The following TENT4A variants were observed in gnomAD, a reference collection of about 807,000 sequenced individuals.
The protein encoded by TENT4A is terminal nucleotidyltransferase 4A, also known as DNA polymerase kappa.
TENT4A carries 7 observed loss-of-function variants against 72.8 expected under a neutral mutation model. The observed-to-expected ratio is 0.10, with a 90% CI of 0.05 to 0.18. TENT4A has a LOEUF of 0.18. Among genes scored for constraint, TENT4A ranks in the 10% least tolerant of loss-of-function variants. The probability of loss-of-function intolerance (pLI) is 1.00; values close to 1 mark genes in which losing one functional copy is unlikely to be tolerated. For missense variants in TENT4A, 831 were observed against 1,017.7 expected (o/e 0.82, Z 2.50); for synonymous variants, 456 against 434.3 (o/e 1.05, Z -0.62).
chr5:6,749,620 G>A lies in TENT4A; in HGVS notation c.1650G>A (p.Glu550=). Residue 550 remains glutamate (E), a synonymous_variant, in exon 9 of 13, where the codon GAG becomes GAA. Transcript: ENST00000230859. ...EVIDYRRWIK[E]KWGSKAHPSP... ...TTGACTACCGGAGGTGGATCAAAGA[G>A]AAGTGGGGCAGCAAAGCCCACCCGT... 2 of 1,614,012 alleles carry A rather than the reference G, an allele frequency of 1.2e-6. No individual in the cohort carries two copies. Among genetic ancestry groups the A allele is most frequent in the South Asian group, 2.2e-5 (2 of 91,076 alleles).
At chr5:6,718,131 A>G (rs1243718829) in intron 1 of TENT4A, among the ~76,000 whole-genome samples, 1 of 152,228 alleles carries the variant, frequency 6.6e-6, no homozygotes, top group African/African-American at 2.4e-5. Flanking sequence ...ATCCTTTAAT[A>G]TCTTCTATTA....
At chr5:6,749,950 A>C (rs545372830) in intron 9 of TENT4A, among the ~76,000 whole-genome samples, 1 of 152,250 alleles carries the variant, frequency 6.6e-6, no homozygotes, top group Non-Finnish European at 1.5e-5. Flanking sequence ...ACATTTCAAC[A>C]TGTAATCAAC....
At position 6,738,165 on chromosome 5, in the gene TENT4A, G is replaced by GC. The variant is rs138375124; in HGVS notation, c.841-514dup. ...GCTTGGTGCAGGTGGCGTGAAGCCT[G>GC]CCCCTGGCCGGCTCTATTCAGCAGC... On this transcript the variant is annotated intron_variant, in intron 2 of 12. Transcript: ENST00000230859. Among the ~76,000 whole-genome samples the GC allele has an allele frequency of 6.4e-4, 97 of 152,264 alleles. 1 individual carries two copies. In the East Asian group the frequency reaches 0.019, roughly 29 times the overall value.
intron 6 of TENT4A, 23 bp from the exon 7 acceptor site, chr5:6,746,191 T>C: frequency 6.2e-7 from 1 of 1,614,096 alleles, no homozygotes. Flanking sequence ...TCCATACAAA[T>C]TGTGGGTGCA....
chr5:6,742,628 A>G lies in TENT4A; in HGVS notation c.1116+31A>G. On this transcript the variant is annotated intron_variant, in intron 5 of 12. Coordinates refer to ENST00000230859, the MANE Select transcript of TENT4A (RefSeq NM_006999.6). ...GTGCTTGGTGACCCAGCGCGGCGAG[A>G]GTGCAGGACTGGAGTGCTTGTGCTT... 3.1e-6 allele frequency: 4 copies of G among 1,300,872 alleles called. No homozygotes were observed. The South Asian group carries it at 4.7e-5, about 15-fold the overall frequency. 80.6% of individuals were successfully genotyped at this position (1,300,872 alleles called of 1,614,324 possible).
chr5:6,731,514 C>CA, intron 1 of TENT4A, among the ~76,000 whole-genome samples: 1 of 151,562 alleles, frequency 6.6e-6, no homozygotes, highest in South Asian at 2.1e-4. Flanking sequence ...TGCAGGTCCT[C>CA]ATATTCAGTG....
At chr5:6,718,573 G>C (rs1335969177) in intron 1 of TENT4A, among the ~76,000 whole-genome samples, 3 of 152,238 alleles carry the variant, frequency 2.0e-5, no homozygotes, top group Non-Finnish European at 4.4e-5. Context: ...AGAGGTATAA[G>C]CTTGTGAAGA....
intron 10 of TENT4A, 81 bp downstream of exon 10, chr5:6,750,584 TC>T: frequency 7.5e-7 from 1 of 1,326,478 alleles, no homozygotes; most frequent in Non-Finnish European, 1.0e-6. Context: ...GCTTAAAATC[TC>T]CCCCTTGGTT....
At chr5:6,750,561 TC>T in intron 10 of TENT4A, 58 bp downstream of exon 10, 1 of 1,433,082 alleles carries the variant, frequency 7.0e-7, no homozygotes, top group Non-Finnish European at 9.4e-7. Flanking sequence ...CTGGTAAATG[TC>T]CATAGCCGCG....
chr5:6,754,668 G>C, intron 12 of TENT4A, 83 bp from the exon 13 acceptor site: 1 of 1,101,924 alleles, frequency 9.1e-7, no homozygotes, highest in Non-Finnish European at 1.3e-6. Context: ...CATCACGTCG[G>C]TGCTTAGTGT....
Position 6,755,001 on chromosome 5 carries a change from G to T in TENT4A, c.*56G>T. 6.9e-7 allele frequency: 1 copy of T among 1,449,926 alleles called. No individual in the cohort carries two copies. The highest frequency in any genetic ancestry group is 1.5e-5 in the South Asian group (1 of 68,316). 89.8% of individuals were successfully genotyped at this position (1,449,926 alleles called of 1,614,324 possible). A position where few individuals can be genotyped will look rare whatever the true frequency, so the allele number is the denominator to read the frequency against. Reference sequence around the variant, plus strand: ...CCTCTGCAGACTGCCCCGCGGCCTCGGCCACCGGCAGGGGAACCGAGACCA... The same window carrying T: ...CCTCTGCAGACTGCCCCGCGGCCTCTGCCACCGGCAGGGGAACCGAGACCA... On this transcript the variant is annotated 3_prime_UTR_variant, in exon 13 of 13. Coordinates refer to ENST00000230859, the MANE Select transcript of TENT4A (RefSeq NM_006999.6).
chr5:6,727,643 A>G (rs1435413131), intron 1 of TENT4A, among the ~76,000 whole-genome samples: 3 of 152,018 alleles, frequency 2.0e-5, no homozygotes, highest in South Asian at 2.1e-4. Context: ...TTCCCATCTC[A>G]GCCTCAGTAC....
At chr5:6,736,979 C>T (rs914160141) in intron 1 of TENT4A, among the ~76,000 whole-genome samples, 3 of 152,232 alleles carry the variant, frequency 2.0e-5, no homozygotes, top group Non-Finnish European at 4.4e-5. Context: ...CACCAGGTAG[C>T]TTGGGCAGAC....
chr5:6,750,790 T>G, intron 10 of TENT4A: 3 of 544,132 alleles, frequency 5.5e-6, no homozygotes, highest in Non-Finnish European at 3.2e-6. Context: ...AAAAATTTAT[T>G]TGAAGATTAA....
At chr5:6,722,275 C>T (rs1740690445) in intron 1 of TENT4A, among the ~76,000 whole-genome samples, 1 of 152,172 alleles carries the variant, frequency 6.6e-6, no homozygotes, top group Non-Finnish European at 1.5e-5. Context: ...ATTAAAAAGG[C>T]CACCGCTGCC....
chr5:6,743,637 G>C (rs575726881), intron 5 of TENT4A, 75 bp from the exon 6 acceptor site: 3 of 1,199,396 alleles, frequency 2.5e-6, no homozygotes, highest in Middle Eastern at 2.8e-4. Context: ...TTTCTGTCTT[G>C]TGTGATTTGC....
intron 10 of TENT4A, 41 bp downstream of exon 10, chr5:6,750,544 T>C (rs771711144): frequency 1.3e-6 from 2 of 1,497,120 alleles, no homozygotes; most frequent in South Asian, 1.3e-5. Context: ...TTGGACAGTT[T>C]GTGTCTCTGG....
At chr5:6,740,904 C>T (rs763574512) in intron 4 of TENT4A, among the ~76,000 whole-genome samples, 2 of 152,206 alleles carry the variant, frequency 1.3e-5, no homozygotes, top group Admixed American at 6.5e-5. Flanking sequence ...GATGCTGTTG[C>T]TGTTCACATT....
chr5:6,723,050 T>C (rs1006015978), intron 1 of TENT4A, among the ~76,000 whole-genome samples: 1 of 131,054 alleles, frequency 7.6e-6, no homozygotes, highest in African/African-American at 2.7e-5. Context: ...TTAGGCTCTA[T>C]TTGAAACAGT....
Sources: gnomAD v4.1 joint callset for allele counts (sites outside exome capture counted in the v4.1 genomes callset) on GRCh38, gnomAD v4.1.1 for gene constraint, MANE v1.5 for transcripts, NCBI Gene and HGNC (gene_info 2026-07-23, HGNC 2026-07-21) for gene names.